The following NINJ2 variants were observed in gnomAD, a reference collection of about 807,000 sequenced individuals.
NINJ2 encodes the protein ninjurin-2.
NINJ2 carries 12 observed loss-of-function variants against 11.7 expected under a neutral mutation model. The ratio of observed to expected loss-of-function variants is 1.02; its 90% confidence interval spans 0.66 to 1.66. The LOEUF (loss-of-function observed/expected upper bound fraction) is 1.66. NINJ2 is among the 40% of genes most tolerant of loss of function. The pLI, the probability that NINJ2 is intolerant of heterozygous loss-of-function variation, is 0.00. For missense variants in NINJ2, 187 were observed against 181.8 expected, an observed-to-expected ratio of 1.03 and a Z score of -0.16; for synonymous variants, 93 against 76.8, an observed-to-expected ratio of 1.21 and a Z score of -1.10.
chr12:623,686 CA>C (rs1948180436), intron 1 of NINJ2, among the ~76,000 whole-genome samples: 1 of 152,190 alleles, frequency 6.6e-6, no homozygotes, highest in South Asian at 2.1e-4. Context: ...TGAGGTGCCA[CA>C]ATTTGCACCA....
chr12:626,762 T>C (rs1948214894), intron 1 of NINJ2, among the ~76,000 whole-genome samples: 1 of 152,150 alleles, frequency 6.6e-6, no homozygotes, highest in Admixed American at 6.6e-5. Flanking sequence ...AATAATAGTA[T>C]CTACCAAATG....
chr12:653,076 A>G (rs1472680762), intron 1 of NINJ2, among the ~76,000 whole-genome samples: 2 of 119,520 alleles, frequency 1.7e-5, no homozygotes, highest in African/African-American at 6.6e-5. Flanking sequence ...GCTGGAGTGC[A>G]GTGGTGCGAT....
In NINJ2 at chr12:568,395, C is replaced by T. The variant is rs577063921; in HGVS notation, c.34-2217G>A. On this transcript the variant is annotated intron_variant, in intron 1 of 3. Coordinates refer to ENST00000305108, the MANE Select transcript of NINJ2 (RefSeq NM_016533.6). ...CGTTTGCCTTCAAAACTCAGCCCCA[C>T]GTCTCCACCCTGCTCTTCTCACTTC... Among the ~76,000 whole-genome samples the T allele has an allele frequency of 1.2e-4, 19 of 152,322 alleles. No individual in the cohort carries two copies. In the South Asian group the frequency reaches 1.5e-3, roughly 12 times the overall value.
At chr12:571,518 C>G (rs1354824874) in intron 1 of NINJ2, among the ~76,000 whole-genome samples, 1 of 152,356 alleles carries the variant, frequency 6.6e-6, no homozygotes, top group Non-Finnish European at 1.5e-5. Context: ...TCATTACCCT[C>G]CCTCTTCCGC....
chr12:606,326 G>A (rs1162727469), intron 1 of NINJ2, among the ~76,000 whole-genome samples: 1 of 152,144 alleles, frequency 6.6e-6, no homozygotes, highest in African/African-American at 2.4e-5. Flanking sequence ...AAAGATGATA[G>A]AGATAAAAAA....
intron 1 of NINJ2, among the ~76,000 whole-genome samples, chr12:587,206 C>G (rs1010183147): frequency 2.0e-5 from 3 of 152,094 alleles, no homozygotes; most frequent in African/African-American, 7.2e-5. Flanking sequence ...ACTAGGGGAC[C>G]AGGAGGCAAG....
intron 3 of NINJ2, 100 bp downstream of exon 3, chr12:565,117 T>A (rs1947273709): frequency 3.1e-6 from 3 of 974,358 alleles, no homozygotes; most frequent in Non-Finnish European, 4.4e-6. Flanking sequence ...CCTTCCCCCT[T>A]TGTTTGGCAA....
At chr12:663,212 G>C in intron 1 of NINJ2, 116 bp downstream of exon 1, 1 of 889,314 alleles carries the variant, frequency 1.1e-6, no homozygotes, top group Admixed American at 2.2e-5. Flanking sequence ...AGAAGGGAGT[G>C]AGTAAGAAGA....
intron 1 of NINJ2, among the ~76,000 whole-genome samples, chr12:648,996 G>GTCTGTCTATCTATCTATCTATCTA (rs10633920): frequency 8.5e-4 from 127 of 149,004 alleles, no homozygotes; most frequent in African/African-American, 1.2e-3. Flanking sequence ...CTATCTATCT[G>GTCTGTCTATCTATCTATCTATCTA]TCTATCTATC....
At chr12:658,544 GA>G (rs1467480181) in intron 1 of NINJ2, among the ~76,000 whole-genome samples, 2 of 152,142 alleles carry the variant, frequency 1.3e-5, no homozygotes, top group East Asian at 3.9e-4. Context: ...TGACACTCTG[GA>G]AAAGGCAAAA....
chr12:569,726 G>A (rs754370523), intron 1 of NINJ2, among the ~76,000 whole-genome samples: 1 of 152,222 alleles, frequency 6.6e-6, no homozygotes, highest in African/African-American at 2.4e-5. Flanking sequence ...ATTGCCATTT[G>A]TAAGTTTTAA....
At position 633,489 on chromosome 12, in the gene NINJ2, G is replaced by T. The variant is rs1948307489; in HGVS notation, c.33+29839C>A. 6.6e-6 allele frequency among the ~76,000 whole-genome samples: 1 copy of T among 151,278 alleles called. No homozygotes were observed. The highest frequency in any genetic ancestry group is 6.6e-5 in the Admixed American group (1 of 15,204). ...CATTCCAGCCTGGGCAACAGAAAGA[G>T]ACTGTCTCCAAAAAAAAAAAATCAT... On this transcript the variant is annotated intron_variant, in intron 1 of 3. Transcript: ENST00000305108. The surrounding 1 kb of genome is among the most constrained non-coding windows in gnomAD (Gnocchi z 4.3).
At chr12:600,365 C>T (rs1323079213) in intron 1 of NINJ2, among the ~76,000 whole-genome samples, 2 of 152,010 alleles carry the variant, frequency 1.3e-5, no homozygotes, top group African/African-American at 2.4e-5. Flanking sequence ...CCAGCCTGTG[C>T]AACATGGTGA....
intron 1 of NINJ2, among the ~76,000 whole-genome samples, chr12:629,731 T>C (rs1948248967): frequency 6.7e-6 from 1 of 150,292 alleles, no homozygotes; most frequent in African/African-American, 2.4e-5. Context: ...CTACTAAAAA[T>C]GCAAAATTAA....
At chr12:645,390 T>C (rs1937660413) in intron 1 of NINJ2, 1 of 152,178 alleles carries the variant, frequency 6.6e-6, no homozygotes, top group African/African-American at 2.4e-5. Flanking sequence ...ATGGAGTGGG[T>C]ACTTAGAAAT....
intron 1 of NINJ2, among the ~76,000 whole-genome samples, chr12:572,850 A>ATTTTTTTTTTTTTTTTTTTTTTTTTTTTT (rs539715060): frequency 1.0e-5 from 1 of 96,166 alleles, no homozygotes; most frequent in African/African-American, 4.4e-5. Context: ...AGAGCCTGTA[A>ATTTTTTTTTTTTTTTTTTTTTTTTTTTTT]TTTTTTTTTT....
intron 1 of NINJ2, among the ~76,000 whole-genome samples, chr12:658,234 A>T (rs1937898903): frequency 6.6e-6 from 1 of 151,938 alleles, no homozygotes; most frequent in African/African-American, 2.4e-5. Context: ...CGAACTCCTA[A>T]CCTCAAGTGA....
intron 1 of NINJ2, among the ~76,000 whole-genome samples, chr12:592,707 T>C (rs985745394): frequency 6.6e-6 from 1 of 151,390 alleles, no homozygotes; most frequent in African/African-American, 2.4e-5. Flanking sequence ...TCTCAAAATT[T>C]AAAAAAAAAT....
At chr12:568,876 A>ACCCCCCCCCC (rs5795931) in intron 1 of NINJ2, among the ~76,000 whole-genome samples, 2 of 112,768 alleles carry the variant, frequency 1.8e-5, no homozygotes, top group Non-Finnish European at 3.5e-5. Flanking sequence ...CTGTGAGGAC[A>ACCCCCCCCCC]CCCCCCCCCC....
Sources: gnomAD v4.1 joint callset for allele counts (sites outside exome capture counted in the v4.1 genomes callset) on GRCh38, gnomAD v4.1.1 for gene constraint, Gnocchi (gnomAD v3.1) non-coding constraint, MANE v1.5 for transcripts, NCBI Gene and HGNC (gene_info 2026-07-23, HGNC 2026-07-21) for gene names.